The following TASP1 variants were observed in gnomAD, a reference collection of about 807,000 sequenced individuals.
The protein encoded by TASP1 is threonine aspartase 1.
A neutral mutation model predicts 56.6 loss-of-function variants in TASP1; 16 were observed. The ratio of observed to expected loss-of-function variants is 0.28; its 90% confidence interval spans 0.19 to 0.43. The LOEUF is 0.43. Ranked by LOEUF, TASP1 falls within the 20% of genes least tolerant of loss-of-function variation. The pLI is 1.00. For synonymous variants in TASP1, 179 were observed against 184.2 expected, an observed-to-expected ratio of 0.97 and a Z score of 0.23; for missense variants, 393 against 511.6, an observed-to-expected ratio of 0.77 and a Z score of 2.24.
the TASP1 span, among the ~76,000 whole-genome samples, chr20:13,319,361 C>G: frequency 6.6e-6 from 1 of 152,088 alleles, no homozygotes; most frequent in Admixed American, 6.5e-5. Flanking sequence ...TACTGCTAAT[C>G]AGAAACTGGA....
the TASP1 span, among the ~76,000 whole-genome samples, chr20:13,232,053 G>A: frequency 6.6e-6 from 1 of 152,152 alleles, no homozygotes. Flanking sequence ...TTTCACCAAG[G>A]ACAAAGAAAC....
intron 10 of TASP1, among the ~76,000 whole-genome samples, chr20:13,489,529 A>G (rs529456069): frequency 4.6e-5 from 7 of 152,178 alleles, no homozygotes; most frequent in South Asian, 4.2e-4. Context: ...ATTAAAAAAA[A>G]AGAGAAAAGA....
the TASP1 span, among the ~76,000 whole-genome samples, chr20:13,345,916 TAAAAAAAAAAAAAA>T: frequency 4.9e-5 from 5 of 101,330 alleles, no homozygotes; most frequent in Non-Finnish European, 8.5e-5. Context: ...CTCAGTAGGT[TAAAAAAAAAAAAAA>T]AAAAAAAAAA....
chr20:13,556,081 T>G (rs1304618618), intron 8 of TASP1, among the ~76,000 whole-genome samples: 1 of 152,128 alleles, frequency 6.6e-6, no homozygotes. Context: ...AAGTTACTGA[T>G]TTCCACTGCC....
the TASP1 span, among the ~76,000 whole-genome samples, chr20:13,346,145 G>A: frequency 6.7e-6 from 1 of 148,656 alleles, no homozygotes; most frequent in Non-Finnish European, 1.5e-5. Context: ...AAGGAAAAAA[G>A]ATACAAAGTC....
the TASP1 span, among the ~76,000 whole-genome samples, chr20:13,122,384 G>A: frequency 6.6e-6 from 1 of 152,184 alleles, no homozygotes; most frequent in African/African-American, 2.4e-5. Flanking sequence ...TCTGGGTTAG[G>A]GAAAGTACCG....
At chr20:13,122,704 A>G in the TASP1 span, among the ~76,000 whole-genome samples, 1 of 152,350 alleles carries the variant, frequency 6.6e-6, no homozygotes, top group African/African-American at 2.4e-5. Flanking sequence ...GCCACCAGGG[A>G]ATATCAGCTA....
At chr20:13,601,675 A>C (rs2047961662) in intron 4 of TASP1, among the ~76,000 whole-genome samples, 1 of 152,136 alleles carries the variant, frequency 6.6e-6, no homozygotes, top group South Asian at 2.1e-4. Context: ...TGAAGAATAC[A>C]GTATATGTGT....
intron 13 of TASP1, among the ~76,000 whole-genome samples, chr20:13,405,272 T>C (rs1033880576): frequency 2.0e-5 from 3 of 152,202 alleles, no homozygotes; most frequent in African/African-American, 7.2e-5. Flanking sequence ...CATTTTAAAA[T>C]GTATACTTAA....
intron 12 of TASP1, 65 bp from the exon 13 acceptor site, chr20:13,417,586 T>A (rs1331563225): frequency 6.4e-7 from 1 of 1,563,454 alleles, no homozygotes; most frequent in African/African-American, 1.4e-5. Context: ...TCTTTGCTTT[T>A]TAATAGAACA....
At chr20:13,308,869 C>T in the TASP1 span, among the ~76,000 whole-genome samples, 3 of 152,094 alleles carry the variant, frequency 2.0e-5, no homozygotes, top group Non-Finnish European at 2.9e-5. Flanking sequence ...AAAGGGACCC[C>T]GAGAGAGCTC....
chr20:13,481,323 T>C (rs542932200), intron 11 of TASP1, among the ~76,000 whole-genome samples: 1 of 152,306 alleles, frequency 6.6e-6, no homozygotes, highest in Admixed American at 6.5e-5. Flanking sequence ...TTCATTCATC[T>C]GCTGGACACT....
chr20:13,540,049 TA>T (rs2045565122), intron 8 of TASP1, among the ~76,000 whole-genome samples: 1 of 152,218 alleles, frequency 6.6e-6, no homozygotes, highest in African/African-American at 2.4e-5. Context: ...AAATCATTTC[TA>T]TTCTCACTCA....
At chr20:13,183,239 G>T in the TASP1 span, among the ~76,000 whole-genome samples, 1 of 152,186 alleles carries the variant, frequency 6.6e-6, no homozygotes, top group African/African-American at 2.4e-5. Flanking sequence ...CTCATCTAAG[G>T]CTTCCTAGAT....
chr20:13,594,659 G>A (rs2047661080), intron 4 of TASP1, among the ~76,000 whole-genome samples: 1 of 152,164 alleles, frequency 6.6e-6, no homozygotes, highest in South Asian at 2.1e-4. Context: ...AATAAAGTGA[G>A]AAGACAAGAA....
the TASP1 span, chr20:13,160,179 T>C: frequency 6.4e-7 from 1 of 1,560,598 alleles, no homozygotes; most frequent in Admixed American, 1.8e-5. Context: ...GTACCTTGGA[T>C]TCAAAGCAAG....
chr20:13,155,652 C>T, the TASP1 span, among the ~76,000 whole-genome samples: 1 of 152,018 alleles, frequency 6.6e-6, no homozygotes, highest in Non-Finnish European at 1.5e-5. Flanking sequence ...TGGTGAAACC[C>T]CGTGTCTACA....
At chr20:13,302,772 G>A in the TASP1 span, among the ~76,000 whole-genome samples, 1 of 152,182 alleles carries the variant, frequency 6.6e-6, no homozygotes, top group South Asian at 2.1e-4. Context: ...TGGGCATCCT[G>A]GGTGCCACAT....
the TASP1 span, among the ~76,000 whole-genome samples, chr20:13,247,748 C>A: frequency 1.3e-5 from 2 of 152,114 alleles, no homozygotes; most frequent in Non-Finnish European, 2.9e-5. Flanking sequence ...CTGACCACGA[C>A]AGGAAGTGAC....
Sources: gnomAD v4.1 joint callset for allele counts (sites outside exome capture counted in the v4.1 genomes callset) on GRCh38, gnomAD v4.1.1 for gene constraint, MANE v1.5 for transcripts, NCBI Gene and HGNC (gene_info 2026-07-23, HGNC 2026-07-21) for gene names.